The following GPR39 variants were observed in gnomAD, a reference collection of about 807,000 sequenced individuals.
GPR39 encodes the protein G protein-coupled receptor 39, also known as zinc sensing receptor.
In GPR39, 23 loss-of-function variants were observed where a neutral mutation model predicts 18.4. That is an observed-to-expected ratio of 1.25 (90% CI 0.90 to 1.77). The LOEUF (loss-of-function observed/expected upper bound fraction) is 1.77. Among genes scored for constraint, GPR39 ranks in the 40% most tolerant of loss-of-function variants. The pLI is 0.00. For synonymous variants in GPR39, 280 were observed against 257.9 expected (o/e 1.09, Z -0.82); for missense variants, 647 against 602.4 (o/e 1.07, Z -0.78).
At chr2:132,579,630 G>A (rs1680590990) in intron 1 of GPR39, among the ~76,000 whole-genome samples, 1 of 152,070 alleles carries the variant, frequency 6.6e-6, no homozygotes, top group African/African-American at 2.4e-5. Context: ...CTGGTCTTAG[G>A]CAGAAAATTC....
At chr2:132,490,508 A>C (rs1330398330) in intron 1 of GPR39, among the ~76,000 whole-genome samples, 1 of 151,984 alleles carries the variant, frequency 6.6e-6, no homozygotes, top group Non-Finnish European at 1.5e-5. Flanking sequence ...TGATAGTGAA[A>C]AAGAGACAAA....
intron 1 of GPR39, among the ~76,000 whole-genome samples, chr2:132,527,842 T>C (rs1240057444): frequency 6.6e-6 from 1 of 152,182 alleles, no homozygotes; most frequent in African/African-American, 2.4e-5. Context: ...ATTAAACCTT[T>C]GTCAGATGAG....
intron 1 of GPR39, among the ~76,000 whole-genome samples, chr2:132,535,644 T>TC (rs1325634710): frequency 6.6e-6 from 1 of 151,516 alleles, no homozygotes; most frequent in East Asian, 1.9e-4. Flanking sequence ...TGGTACCAGC[T>TC]CCTCTTTGTA....
chr2:132,491,264 A>T (rs1233459324), intron 1 of GPR39, among the ~76,000 whole-genome samples: 1 of 152,188 alleles, frequency 6.6e-6, no homozygotes, highest in Non-Finnish European at 1.5e-5. Flanking sequence ...TTGAGAAGAG[A>T]AGAAATTCTT....
At chr2:132,521,985 T>C (rs1178264529) in intron 1 of GPR39, among the ~76,000 whole-genome samples, 1 of 152,230 alleles carries the variant, frequency 6.6e-6, no homozygotes, top group Non-Finnish European at 1.5e-5. Flanking sequence ...GTTGGGAGTA[T>C]TTATGGCTTT....
chr2:132,544,172 T>C (rs1056347037), intron 1 of GPR39, among the ~76,000 whole-genome samples: 2 of 152,218 alleles, frequency 1.3e-5, no homozygotes, highest in African/African-American at 2.4e-5. Context: ...TTAGTTTCTA[T>C]AGGGAAGCAA....
intron 1 of GPR39, among the ~76,000 whole-genome samples, chr2:132,565,721 G>A (rs1680339301): frequency 6.9e-6 from 1 of 145,232 alleles, no homozygotes; most frequent in Non-Finnish European, 1.5e-5. Flanking sequence ...CCCTACAAAG[G>A]ACATGAACTC....
chr2:132,604,052 A>G (rs1353088540), intron 1 of GPR39, among the ~76,000 whole-genome samples: 2 of 152,080 alleles, frequency 1.3e-5, no homozygotes, highest in East Asian at 1.9e-4. Flanking sequence ...AAGGACTCCT[A>G]CCTCCAAGAT....
intron 1 of GPR39, chr2:132,488,897 C>T (rs143467721): frequency 9.6e-4 from 148 of 153,842 alleles, no homozygotes; most frequent in Non-Finnish European, 3.2e-4. Context: ...TGTGATTGCC[C>T]GCAGGTTATC....
chr2:132,619,311 TC>T (rs1236432404), intron 1 of GPR39, among the ~76,000 whole-genome samples: 5 of 152,174 alleles, frequency 3.3e-5, no homozygotes, highest in African/African-American at 1.2e-4. Flanking sequence ...CAGTGAAAGA[TC>T]CGGCAAGCAT....
chr2:132,542,785 A>G (rs1679884599), intron 1 of GPR39, among the ~76,000 whole-genome samples: 2 of 151,738 alleles, frequency 1.3e-5, no homozygotes, highest in Non-Finnish European at 1.5e-5. Context: ...ATGGTTCTTC[A>G]ACATCCATTC....
rs1399861638 is a variant in GPR39, at chr2:132,552,820, ATG to A, written c.857-92279_857-92278del. Among the ~76,000 whole-genome samples, 58 of 128,562 alleles carry A rather than the reference ATG, an allele frequency of 4.5e-4. 1 individual carries two copies. Among genetic ancestry groups the A allele is most frequent in the Admixed American group, 4.2e-3 (52 of 12,468 alleles). 84.3% of individuals were successfully genotyped at this position (128,562 alleles called of 152,430 possible). A position where few individuals can be genotyped will look rare whatever the true frequency, so the allele number is the denominator to read the frequency against. ...TATGTGTGTGTGTGTGTGTGTGTGT[ATG>A]TATATATATACATATATATATATAC... On this transcript the variant is annotated intron_variant, in intron 1 of 1. Coordinates refer to ENST00000329321, the MANE Select transcript of GPR39 (RefSeq NM_001508.3).
At chr2:132,443,285 G>A (rs932541153) in intron 1 of GPR39, among the ~76,000 whole-genome samples, 2 of 152,112 alleles carry the variant, frequency 1.3e-5, no homozygotes, top group African/African-American at 4.8e-5. Context: ...TGCTTTTATT[G>A]CGTAACTCAT....
At chr2:132,429,369 G>C (rs1680184807) in intron 1 of GPR39, among the ~76,000 whole-genome samples, 1 of 152,196 alleles carries the variant, frequency 6.6e-6, no homozygotes, top group South Asian at 2.1e-4. Flanking sequence ...TGCCAAGTCT[G>C]GTGGATGTTT....
intron 1 of GPR39, among the ~76,000 whole-genome samples, chr2:132,567,816 T>A (rs2104810773): frequency 6.6e-6 from 1 of 152,246 alleles, no homozygotes; most frequent in South Asian, 2.1e-4. Flanking sequence ...GTTTAATTGG[T>A]CTTTCCTGTG....
intron 1 of GPR39, among the ~76,000 whole-genome samples, chr2:132,548,683 C>T (rs1276900019): frequency 3.3e-5 from 5 of 152,240 alleles, no homozygotes; most frequent in African/African-American, 9.6e-5. Context: ...TTCTGAGTCT[C>T]AGTTTCCTCA....
intron 1 of GPR39, among the ~76,000 whole-genome samples, chr2:132,503,828 G>A (rs576261042): frequency 2.0e-5 from 3 of 152,278 alleles, no homozygotes; most frequent in Admixed American, 2.0e-4. Context: ...ATACTCCCAG[G>A]CAGATTATGG....
At chr2:132,442,158 A>G (rs1025954977) in intron 1 of GPR39, among the ~76,000 whole-genome samples, 1 of 152,200 alleles carries the variant, frequency 6.6e-6, no homozygotes. Flanking sequence ...TCCCTCTTAG[A>G]AAAAGGGACG....
chr2:132,613,404 A>C (rs142821989), intron 1 of GPR39, among the ~76,000 whole-genome samples: 251 of 152,324 alleles, frequency 1.6e-3, no homozygotes, highest in Middle Eastern at 3.4e-3. Flanking sequence ...GGCAAAACTT[A>C]TGCATCCTTC....
Sources: allele counts gnomAD v4.1 joint callset (sites outside exome capture counted in the v4.1 genomes callset), GRCh38; gene constraint gnomAD v4.1.1; transcripts MANE v1.5; gene names NCBI Gene and HGNC (gene_info 2026-07-23, HGNC 2026-07-21).